Variants in ZDHHC15 observed in about 807,000 individuals in gnomAD.
ZDHHC15 encodes palmitoyltransferase ZDHHC15.
Under a neutral mutation model 31.7 loss-of-function variants are expected in ZDHHC15, and 19 were observed. That is an observed-to-expected ratio of 0.60 (90% CI 0.42 to 0.88). ZDHHC15 has a LOEUF of 0.88. Among genes scored for constraint, ZDHHC15 ranks in the 40% least tolerant of loss-of-function variants. The probability of loss-of-function intolerance (pLI) is 0.00; values close to 1 mark genes in which losing one functional copy is unlikely to be tolerated. For missense variants in ZDHHC15, 209 were observed against 251.2 expected, an observed-to-expected ratio of 0.83 and a Z score of 1.14; for synonymous variants, 103 against 90.0, an observed-to-expected ratio of 1.14 and a Z score of -0.82.
chrX:75,421,411 A>ATTATATATAAT (rs1491488470), intron 9 of ZDHHC15, among the ~76,000 whole-genome samples: 32 of 26,041 alleles, frequency 1.2e-3, no homozygotes, highest in Non-Finnish European at 1.5e-3. Flanking sequence ...ATATATATAT[A>ATTATATATAAT]ATATATATAT....
intron 10 of ZDHHC15, among the ~76,000 whole-genome samples, chrX:75,402,973 G>A (rs185021280): frequency 2.2e-4 from 25 of 111,753 alleles, no homozygotes; most frequent in Admixed American, 6.6e-4. Flanking sequence ...GATGAAAATT[G>A]TTGCAAAAAT....
chrX:75,408,551 G>T lies in ZDHHC15; in HGVS notation c.967+8536C>A, dbSNP rs2031749789. Reference sequence around the variant, plus strand: ...TCTAAGATCTGGAACAAGATGAGGAGGCCCACTTTCACCAATTTTATGCAA... The same window carrying T: ...TCTAAGATCTGGAACAAGATGAGGATGCCCACTTTCACCAATTTTATGCAA... On this transcript the variant is annotated intron_variant, in intron 10 of 11. Coordinates refer to ENST00000373367, the MANE Select transcript of ZDHHC15 (RefSeq NM_144969.3). Among the ~76,000 whole-genome samples the T allele has an allele frequency of 2.7e-5, 3 of 112,017 alleles. No individual in the cohort carries two copies. The South Asian group carries it at 1.1e-3, about 41-fold the overall frequency.
At chrX:75,482,423 A>T (rs1220196283) in intron 2 of ZDHHC15, among the ~76,000 whole-genome samples, 1 of 112,013 alleles carries the variant, frequency 8.9e-6, no homozygotes, top group Non-Finnish European at 1.9e-5. Context: ...GTGCTAATAC[A>T]TGATATTACA....
chrX:75,411,391 T>G (rs1330432830), intron 10 of ZDHHC15, among the ~76,000 whole-genome samples: 1 of 111,416 alleles, frequency 9.0e-6, no homozygotes, highest in Non-Finnish European at 1.9e-5. Context: ...TTTTTGTATT[T>G]TTAGTAGAGA....
intron 11 of ZDHHC15, 26 bp downstream of exon 11, chrX:75,379,094 G>A (rs953957924): frequency 6.0e-6 from 7 of 1,164,545 alleles, no homozygotes; most frequent in Admixed American, 2.2e-5. Context: ...AGGTGCCACT[G>A]TATGTGTCTC....
In ZDHHC15 at chrX:75,449,201, T is replaced by C. The variant is rs4019346; in HGVS notation, c.379+1601A>G. On this transcript the variant is annotated intron_variant, in intron 4 of 11. Coordinates refer to ENST00000373367, the MANE Select transcript of ZDHHC15 (RefSeq NM_144969.3). ...TCCTCATAATCTCTCTCTCTCTCTA[T>C]ACACACACACACACACACACACACA... Among the ~76,000 whole-genome samples the C allele has an allele frequency of 2.5e-3, 190 of 76,614 alleles. 1 individual carries two copies. The highest frequency in any genetic ancestry group is 0.018 in the East Asian group (12 of 664). The allele number at this position is 76,614 out of a possible 115,157, so 66.5% of individuals were successfully genotyped here. A position where few individuals can be genotyped will look rare whatever the true frequency, so the allele number is the denominator to read the frequency against.
At chrX:75,421,591 G>C (rs1408214228) in intron 9 of ZDHHC15, among the ~76,000 whole-genome samples, 1 of 97,884 alleles carries the variant, frequency 1.0e-5, no homozygotes, top group Non-Finnish European at 2.0e-5. Flanking sequence ...GGGATGTTGG[G>C]CAAGTAGATT....
Position 75,452,946 on chromosome X carries a change from C to A in ZDHHC15, c.259-2024G>T, listed in dbSNP as rs928085143. ...AGAGAAAGCAGGAAAGATCTAAAAT[C>A]AACACCCTCATATTGCAATTAAAAG... On this transcript the variant is annotated intron_variant, in intron 3 of 11. Transcript: ENST00000373367. Among the ~76,000 whole-genome samples, 7 of 111,281 alleles carry A rather than the reference C, an allele frequency of 6.3e-5. No individual in the cohort carries two copies. The Admixed American group carries it at 6.7e-4, about 11-fold the overall frequency.
At chrX:75,495,731 T>C (rs868447262) in intron 2 of ZDHHC15, among the ~76,000 whole-genome samples, 39 of 87,441 alleles carry the variant, frequency 4.5e-4, no homozygotes, top group African/African-American at 1.6e-3. Context: ...AATTGAACAA[T>C]GAGAACACAT....
chrX:75,511,588 C>A (rs529233968), intron 1 of ZDHHC15, among the ~76,000 whole-genome samples: 1 of 98,928 alleles, frequency 1.0e-5, no homozygotes, highest in Non-Finnish European at 2.0e-5. Context: ...TTAATTAGAT[C>A]CCATTTGTCA....
chrX:75,423,105 T>A (rs780487585), intron 8 of ZDHHC15, among the ~76,000 whole-genome samples: 1 of 108,249 alleles, frequency 9.2e-6, no homozygotes, highest in East Asian at 3.0e-4. Flanking sequence ...CTTAAACTCC[T>A]GGCCAGGGTC....
At chrX:75,430,758 T>C (rs1418053504) in intron 5 of ZDHHC15, among the ~76,000 whole-genome samples, 1 of 111,524 alleles carries the variant, frequency 9.0e-6, no homozygotes, top group African/African-American at 3.3e-5. Context: ...CTTTCAGTGA[T>C]AAGTCATGTT....
chrX:75,497,475 C>G (rs964350611), intron 2 of ZDHHC15, among the ~76,000 whole-genome samples: 45 of 111,545 alleles, frequency 4.0e-4, no homozygotes, highest in African/African-American at 1.4e-3. Context: ...CTAAATCATT[C>G]TATAAAGCCA....
chrX:75,496,230 T>G (rs771859491), intron 2 of ZDHHC15, among the ~76,000 whole-genome samples: 2 of 111,208 alleles, frequency 1.8e-5, no homozygotes, highest in African/African-American at 6.5e-5. Context: ...AAACAGACTT[T>G]AAAGGAACAA....
intron 10 of ZDHHC15, 51 bp downstream of exon 10, chrX:75,417,036 C>T: frequency 2.0e-6 from 2 of 996,704 alleles, no homozygotes; most frequent in Non-Finnish European, 2.8e-6. Flanking sequence ...TTACTCACCA[C>T]ATTACATTGG....
At chrX:75,436,886 T>C (rs1409369178) in intron 4 of ZDHHC15, among the ~76,000 whole-genome samples, 1 of 112,698 alleles carries the variant, frequency 8.9e-6, no homozygotes, top group Non-Finnish European at 1.9e-5. Context: ...TGTTTTGTTT[T>C]GTTTTGTCTT....
chrX:75,401,264 A>G (rs1008330808), intron 10 of ZDHHC15, among the ~76,000 whole-genome samples: 3 of 111,354 alleles, frequency 2.7e-5, no homozygotes, highest in African/African-American at 6.5e-5. Context: ...CCAAAAAAAA[A>G]AAAAGAAAAG....
At chrX:75,397,086 G>A (rs2083306352) in intron 10 of ZDHHC15, among the ~76,000 whole-genome samples, 1 of 110,744 alleles carries the variant, frequency 9.0e-6, no homozygotes, top group African/African-American at 3.3e-5. Flanking sequence ...CAGCATTTTG[G>A]GAGGCCAAGA....
intron 4 of ZDHHC15, among the ~76,000 whole-genome samples, chrX:75,443,287 A>G (rs1203437738): frequency 1.8e-5 from 2 of 110,769 alleles, no homozygotes; most frequent in African/African-American, 6.6e-5. Context: ...CCAATGGAAC[A>G]GAACAGAGCC....
Sources: gnomAD v4.1 joint callset for allele counts (sites outside exome capture counted in the v4.1 genomes callset) on GRCh38, gnomAD v4.1.1 for gene constraint, MANE v1.5 for transcripts, NCBI Gene and HGNC (gene_info 2026-07-23, HGNC 2026-07-21) for gene names.